The following PTPN13 variants were observed in gnomAD, a reference collection of about 807,000 sequenced individuals.
The protein encoded by PTPN13 is protein tyrosine phosphatase non-receptor type 13.
PTPN13 carries 191 observed loss-of-function variants against 284.0 expected under a neutral mutation model. The ratio of observed to expected loss-of-function variants is 0.67; its 90% CI spans 0.60 to 0.76. The LOEUF (loss-of-function observed/expected upper bound fraction) is 0.76. Ranked by LOEUF, PTPN13 falls within the 30% of genes least tolerant of loss-of-function variation. The pLI is 0.00. For missense variants in PTPN13, 2,797 were observed against 2,939.9 expected (o/e 0.95, Z 1.12); for synonymous variants, 986 against 1,022.3 (o/e 0.96, Z 0.68).
intron 35 of PTPN13, 63 bp from the exon 36 acceptor site, chr4:86,780,339 G>C (rs1292741859): frequency 1.5e-6 from 2 of 1,370,514 alleles, no homozygotes; most frequent in East Asian, 4.9e-5. Context: ...GGATTGCTTG[G>C]GCCTGGGAGG....
At chr4:86,803,156 AT>A (rs985093918) in intron 42 of PTPN13, among the ~76,000 whole-genome samples, 1 of 151,106 alleles carries the variant, frequency 6.6e-6, no homozygotes, top group African/African-American at 2.4e-5. Context: ...ATATACATGT[AT>A]TTTTTATATA....
chr4:86,671,474 T>C (rs559637774), intron 2 of PTPN13, among the ~76,000 whole-genome samples: 2 of 152,312 alleles, frequency 1.3e-5, no homozygotes, highest in East Asian at 3.9e-4. Context: ...TAACTTACTT[T>C]TTATATGAGG....
At chr4:86,751,637 CACAGTTGCCATG>C (rs1737400102) in intron 19 of PTPN13, among the ~76,000 whole-genome samples, 1 of 152,102 alleles carries the variant, frequency 6.6e-6, no homozygotes. Flanking sequence ...TTCTCTTGGT[CACAGTTGCCATG>C]ACAGTCTTAC....
intron 12 of PTPN13, among the ~76,000 whole-genome samples, chr4:86,733,899 C>T (rs892248726): frequency 2.0e-5 from 3 of 152,024 alleles, no homozygotes; most frequent in South Asian, 2.1e-4. Context: ...AAATGTTTAC[C>T]GTGTACTGTG....
chr4:86,795,819 C>T (rs1479171563), intron 40 of PTPN13, among the ~76,000 whole-genome samples: 3 of 152,084 alleles, frequency 2.0e-5, no homozygotes, highest in East Asian at 1.9e-4. Context: ...TGTTCTCACT[C>T]ATAGGTGGGA....
intron 7 of PTPN13, 97 bp downstream of exon 7, chr4:86,701,898 T>C: frequency 8.1e-7 from 1 of 1,233,752 alleles, no homozygotes; most frequent in South Asian, 1.7e-5. Flanking sequence ...AAGTCTTATT[T>C]TCACTGCCAA....
intron 23 of PTPN13, among the ~76,000 whole-genome samples, chr4:86,761,139 A>AAAAT (rs1554335780): frequency 8.3e-6 from 1 of 120,664 alleles, no homozygotes; most frequent in Admixed American, 8.7e-5. Context: ...TGTGTGTGTA[A>AAAAT]ATATATATAT....
chr4:86,690,813 TC>T (rs1161041900), intron 5 of PTPN13, among the ~76,000 whole-genome samples: 1 of 152,176 alleles, frequency 6.6e-6, no homozygotes, highest in Non-Finnish European at 1.5e-5. Flanking sequence ...AAAATCTTCA[TC>T]CCTTTAAGGT....
At chr4:86,737,991 G>A (rs1364236335) in intron 15 of PTPN13, among the ~76,000 whole-genome samples, 1 of 152,168 alleles carries the variant, frequency 6.6e-6, no homozygotes, top group Non-Finnish European at 1.5e-5. Flanking sequence ...GCCTCCCAAA[G>A]TGCTGGGATA....
At position 86,784,489 on chromosome 4, in the gene PTPN13, A is replaced by G; in HGVS notation, c.6049A>G (p.Ile2017Val). The part of the protein sequence containing the change: ...STVAGEEINE[I>V]SYPKGKCSTY... ...GGTTGCTGGGGAAGAAATAAATGAA[A>G]TATCGTACCCCAAAGGAAAATGTTC... The change falls in exon 38 of 48, where the codon ATA (isoleucine) becomes GTA (valine). Residue 2017 changes from isoleucine to valine, a missense_variant. Coordinates refer to ENST00000411767, the MANE Select transcript of PTPN13 (RefSeq NM_080683.3). 6.2e-7 allele frequency: 1 copy of G among 1,606,402 alleles called. No homozygotes were observed. The highest frequency in any genetic ancestry group is 8.5e-7 in the Non-Finnish European group (1 of 1,177,430).
At chr4:86,774,146 ATGT>A (rs1740326852) in intron 32 of PTPN13, among the ~76,000 whole-genome samples, 1 of 152,152 alleles carries the variant, frequency 6.6e-6, no homozygotes, top group Non-Finnish European at 1.5e-5. Context: ...GACAAACATA[ATGT>A]TGTGCTTAAA....
At chr4:86,672,203 A>G (rs563014701) in intron 2 of PTPN13, among the ~76,000 whole-genome samples, 162 bp from the exon 3 acceptor site, 59 of 152,310 alleles carry the variant, frequency 3.9e-4, no homozygotes, top group African/African-American at 1.1e-3. Flanking sequence ...ATGAAACCCA[A>G]TCTTTTTGTA....
intron 40 of PTPN13, among the ~76,000 whole-genome samples, chr4:86,790,538 C>T (rs1742499104): frequency 1.3e-5 from 2 of 149,656 alleles, no homozygotes; most frequent in South Asian, 4.2e-4. Flanking sequence ...TTTTAAGTGC[C>T]ACACACACAC....
At chr4:86,729,878 C>T (rs532896330) in intron 10 of PTPN13, among the ~76,000 whole-genome samples, 2 of 149,744 alleles carry the variant, frequency 1.3e-5, no homozygotes, top group African/African-American at 4.9e-5. Flanking sequence ...CAGCTTTGTT[C>T]GTTTGCTGGT....
intron 40 of PTPN13, among the ~76,000 whole-genome samples, chr4:86,786,829 G>T (rs961135136): frequency 6.6e-6 from 1 of 152,066 alleles, no homozygotes; most frequent in Non-Finnish European, 1.5e-5. Context: ...TAGGCCGGGC[G>T]CGTTGGCTCA....
At chr4:86,680,668 T>C (rs765852247) in intron 3 of PTPN13, among the ~76,000 whole-genome samples, 16 of 152,182 alleles carry the variant, frequency 1.1e-4, no homozygotes, top group South Asian at 2.1e-4. Context: ...AAAACCTTCA[T>C]TGAGTTGCTC....
At chr4:86,729,055 A>T (rs1301299242) in intron 10 of PTPN13, among the ~76,000 whole-genome samples, 1 of 149,318 alleles carries the variant, frequency 6.7e-6, no homozygotes, top group African/African-American at 2.4e-5. Flanking sequence ...AAAATCTGTC[A>T]GCATTTGCTT....
chr4:86,609,293 A>G (rs1051721729), intron 1 of PTPN13, among the ~76,000 whole-genome samples: 1 of 152,310 alleles, frequency 6.6e-6, no homozygotes, highest in Non-Finnish European at 1.5e-5. Context: ...AGTTATGCAG[A>G]CTTTAGTTAT....
At chr4:86,781,633 A>C (rs1009086862) in intron 36 of PTPN13, among the ~76,000 whole-genome samples, 1 of 152,230 alleles carries the variant, frequency 6.6e-6, no homozygotes, top group African/African-American at 2.4e-5. Flanking sequence ...AGTGTATCAC[A>C]TGAACCATTC....
Sources: allele counts gnomAD v4.1 joint callset (sites outside exome capture counted in the v4.1 genomes callset), GRCh38; gene constraint gnomAD v4.1.1; transcripts MANE v1.5; gene names NCBI Gene and HGNC (gene_info 2026-07-23, HGNC 2026-07-21).